Variants in ROBO1 observed in about 807,000 individuals in gnomAD.
ROBO1 encodes roundabout homolog 1.
In ROBO1, 149 loss-of-function variants were observed where a neutral mutation model predicts 195.9. The ratio of observed to expected loss-of-function variants is 0.76; its 90% CI spans 0.67 to 0.87. The LOEUF (loss-of-function observed/expected upper bound fraction) is 0.87, where lower values mean the gene tolerates loss of function less well. Ranked by LOEUF, ROBO1 falls within the 40% of genes least tolerant of loss-of-function variation. The pLI, the probability that ROBO1 is intolerant of heterozygous loss-of-function variation, is 0.00. For missense variants in ROBO1, 1,933 were observed against 2,068.3 expected, an observed-to-expected ratio of 0.93 and a Z score of 1.27; for synonymous variants, 816 against 733.2, an observed-to-expected ratio of 1.11 and a Z score of -1.82.
intron 4 of ROBO1, among the ~76,000 whole-genome samples, chr3:78,749,381 T>A (rs2082733908): frequency 6.6e-6 from 1 of 152,114 alleles, no homozygotes; most frequent in Non-Finnish European, 1.5e-5. Context: ...CTTAAATATT[T>A]ACTATGTTAT....
At chr3:79,745,841 CT>C (rs1271551352) in intron 1 of ROBO1, among the ~76,000 whole-genome samples, 2 of 151,962 alleles carry the variant, frequency 1.3e-5, no homozygotes, top group African/African-American at 4.8e-5. Context: ...TTAGTTTATT[CT>C]TTTTTTCTTC....
chr3:79,263,775 C>T (rs951543647), intron 2 of ROBO1, among the ~76,000 whole-genome samples: 2 of 152,048 alleles, frequency 1.3e-5, no homozygotes, highest in Non-Finnish European at 2.9e-5. Flanking sequence ...CTTCTTCCTC[C>T]CATTTTCTTC....
At chr3:79,318,947 A>G (rs2033858984) in intron 2 of ROBO1, among the ~76,000 whole-genome samples, 1 of 152,210 alleles carries the variant, frequency 6.6e-6, no homozygotes, top group African/African-American at 2.4e-5. Context: ...AACTTACAAA[A>G]TATCATTTCA....
intron 2 of ROBO1, among the ~76,000 whole-genome samples, chr3:79,385,445 T>A (rs750199853): frequency 6.6e-6 from 1 of 152,084 alleles, no homozygotes; most frequent in East Asian, 1.9e-4. Flanking sequence ...ACAGGATTTT[T>A]AAAAATAACT....
chr3:79,630,551 T>C (rs1945307996), intron 1 of ROBO1, among the ~76,000 whole-genome samples: 1 of 151,976 alleles, frequency 6.6e-6, no homozygotes, highest in African/African-American at 2.4e-5. Flanking sequence ...TGGGAAAAAT[T>C]TGAAACATTT....
At chr3:79,336,090 A>G (rs1281906672) in intron 2 of ROBO1, among the ~76,000 whole-genome samples, 1 of 152,220 alleles carries the variant, frequency 6.6e-6, no homozygotes, top group Admixed American at 6.5e-5. Context: ...AAAGCATTCA[A>G]GAGGAAGCAG....
At chr3:79,526,431 T>C (rs1941435643) in intron 2 of ROBO1, 1 of 152,206 alleles carries the variant, frequency 6.6e-6, no homozygotes, top group Non-Finnish European at 1.5e-5. Flanking sequence ...CAATTATTCT[T>C]ACCTTGTAGG....
At chr3:79,428,558 C>T (rs1210966333) in intron 2 of ROBO1, among the ~76,000 whole-genome samples, 1 of 152,100 alleles carries the variant, frequency 6.6e-6, no homozygotes, top group Non-Finnish European at 1.5e-5. Context: ...AGCCAGCATA[C>T]TAAAACAATG....
intron 2 of ROBO1, among the ~76,000 whole-genome samples, chr3:79,480,676 AT>A (rs1938793560): frequency 6.6e-6 from 1 of 152,124 alleles, no homozygotes; most frequent in African/African-American, 2.4e-5. Context: ...AAGATTCTCA[AT>A]GTCATTTTCA....
intron 5 of ROBO1, among the ~76,000 whole-genome samples, chr3:78,745,497 T>C (rs1217889668): frequency 6.6e-6 from 1 of 152,148 alleles, no homozygotes; most frequent in Non-Finnish European, 1.5e-5. Flanking sequence ...CAAAGTATTC[T>C]TACCTTCATT....
intron 2 of ROBO1, among the ~76,000 whole-genome samples, chr3:79,142,036 T>C (rs1367331049): frequency 6.6e-6 from 1 of 152,166 alleles, no homozygotes; most frequent in East Asian, 1.9e-4. Flanking sequence ...TGAGATGATA[T>C]GTTTCACTTA....
chr3:79,453,950 A>G (rs2039529699), intron 2 of ROBO1, among the ~76,000 whole-genome samples: 1 of 152,028 alleles, frequency 6.6e-6, no homozygotes, highest in South Asian at 2.1e-4. Context: ...CCTCTTCTAG[A>G]CTTTTCTGTT....
At chr3:79,077,197 C>G (rs2079189037) in intron 3 of ROBO1, among the ~76,000 whole-genome samples, 1 of 151,866 alleles carries the variant, frequency 6.6e-6, no homozygotes, top group Non-Finnish European at 1.5e-5. Context: ...CCATTTCTTC[C>G]ACATTCCGTC....
At chr3:78,815,428 A>C (rs1244615395) in intron 4 of ROBO1, among the ~76,000 whole-genome samples, 1 of 152,152 alleles carries the variant, frequency 6.6e-6, no homozygotes, top group Non-Finnish European at 1.5e-5. Context: ...GATATGGAAA[A>C]AGTTCTAGTG....
At chr3:79,407,063 C>A (rs942826286) in intron 2 of ROBO1, among the ~76,000 whole-genome samples, 6 of 152,004 alleles carry the variant, frequency 3.9e-5, no homozygotes, top group African/African-American at 1.4e-4. Context: ...GGATTACAGG[C>A]ACCAGCTACC....
At chr3:78,920,137 G>A in intron 4 of ROBO1, among the ~76,000 whole-genome samples, 1 of 152,024 alleles carries the variant, frequency 6.6e-6, no homozygotes, top group East Asian at 1.9e-4. Context: ...ATTCCCAAAG[G>A]AAATAAAATA....
chr3:79,496,559 AT>A (rs747248071), intron 2 of ROBO1, among the ~76,000 whole-genome samples: 2 of 142,110 alleles, frequency 1.4e-5, no homozygotes, highest in Non-Finnish European at 1.5e-5. Flanking sequence ...AATTTTTTGT[AT>A]TTTTTTTTAG....
chr3:78,890,900 T>C (rs2036850239), intron 4 of ROBO1, among the ~76,000 whole-genome samples: 1 of 152,146 alleles, frequency 6.6e-6, no homozygotes, highest in East Asian at 1.9e-4. Context: ...TAGCTAAGAT[T>C]ACAGGTGTGT....
chr3:78,731,579 C>T (rs1559796462), intron 5 of ROBO1, among the ~76,000 whole-genome samples: 1 of 152,036 alleles, frequency 6.6e-6, no homozygotes, highest in Non-Finnish European at 1.5e-5. Context: ...GAATTGTTCA[C>T]AATCTAAGAG....
Sources: allele counts gnomAD v4.1 joint callset (sites outside exome capture counted in the v4.1 genomes callset), GRCh38; gene constraint gnomAD v4.1.1; transcripts MANE v1.5; gene names NCBI Gene and HGNC (gene_info 2026-07-23, HGNC 2026-07-21).